The following GRIA2 variants were observed in gnomAD, a reference collection of about 807,000 sequenced individuals.
GRIA2 encodes the protein glutamate ionotropic receptor AMPA type subunit 2.
Under a neutral mutation model 97.3 loss-of-function variants are expected in GRIA2, and 14 were observed. The ratio of observed to expected loss-of-function variants is 0.14; its 90% confidence interval spans 0.10 to 0.23. The LOEUF (loss-of-function observed/expected upper bound fraction) is 0.23, where lower values mean the gene tolerates loss of function less well. Ranked by LOEUF, GRIA2 falls within the 10% of genes least tolerant of loss-of-function variation. The probability of loss-of-function intolerance (pLI) is 1.00; values close to 1 mark genes in which losing one functional copy is unlikely to be tolerated. For synonymous variants in GRIA2, 412 were observed against 387.8 expected (o/e 1.06, Z -0.73); for missense variants, 558 against 1,069.8 (o/e 0.52, Z 6.67).
intron 2 of GRIA2, among the ~76,000 whole-genome samples, chr4:157,294,627 G>A (rs997743196): frequency 2.6e-5 from 4 of 152,102 alleles, no homozygotes; most frequent in African/African-American, 4.8e-5. Context: ...CCATGAGAAA[G>A]TATGTGATGA....
chr4:157,340,465 A>G (rs1735497494), intron 11 of GRIA2, among the ~76,000 whole-genome samples: 2 of 151,940 alleles, frequency 1.3e-5, no homozygotes, highest in South Asian at 4.1e-4. Context: ...TTTAAAAACT[A>G]TTTTATGTAA....
intron 5 of GRIA2, 105 bp from the exon 6 acceptor site, chr4:157,321,333 T>C: frequency 1.3e-6 from 1 of 772,778 alleles, no homozygotes; most frequent in South Asian, 1.8e-5. Context: ...ATCTCATATG[T>C]TCTTTGAAAT....
intron 2 of GRIA2, among the ~76,000 whole-genome samples, chr4:157,284,767 T>G (rs540371578): frequency 6.6e-6 from 1 of 151,900 alleles, no homozygotes; most frequent in East Asian, 1.9e-4. Context: ...TTTAAAATTC[T>G]TCAGCACTTA....
At chr4:157,351,852 C>T (rs1325921471) in intron 12 of GRIA2, among the ~76,000 whole-genome samples, 9 of 152,184 alleles carry the variant, frequency 5.9e-5, no homozygotes. Context: ...TGACTTTCAC[C>T]ACAATTTTAA....
chr4:157,273,357 G>C (rs1461650628), intron 2 of GRIA2, among the ~76,000 whole-genome samples: 1 of 151,928 alleles, frequency 6.6e-6, no homozygotes, highest in African/African-American at 2.4e-5. Context: ...GATACTAAAG[G>C]CAGAAAACAG....
At chr4:157,297,049 A>G (rs1209287533) in intron 2 of GRIA2, among the ~76,000 whole-genome samples, 1 of 152,180 alleles carries the variant, frequency 6.6e-6, no homozygotes, top group Non-Finnish European at 1.5e-5. Context: ...CAAGAAATTG[A>G]TGGATTTTAA....
At chr4:157,349,410 A>ATTGTTAAAATCTTT (rs1334753438) in intron 12 of GRIA2, among the ~76,000 whole-genome samples, 1 of 151,198 alleles carries the variant, frequency 6.6e-6, no homozygotes, top group Non-Finnish European at 1.5e-5. Flanking sequence ...TTTTCTTAAG[A>ATTGTTAAAATCTTT]TTGTTAAAAT....
chr4:157,241,162 T>G (rs1730492853), intron 2 of GRIA2, among the ~76,000 whole-genome samples: 1 of 152,140 alleles, frequency 6.6e-6, no homozygotes, highest in Admixed American at 6.6e-5. Flanking sequence ...GCAATGGTTT[T>G]AATTCTCCTC....
chr4:157,351,455 A>G (rs1004218435), intron 12 of GRIA2, among the ~76,000 whole-genome samples: 1 of 152,206 alleles, frequency 6.6e-6, no homozygotes, highest in Non-Finnish European at 1.5e-5. Flanking sequence ...CATTCCATTA[A>G]TGATATAATT....
chr4:157,229,004 T>A (rs1729882253), intron 2 of GRIA2, among the ~76,000 whole-genome samples: 1 of 151,990 alleles, frequency 6.6e-6, no homozygotes, highest in African/African-American at 2.4e-5. Context: ...TTTTAGTAAC[T>A]CCCTCCCTGC....
intron 11 of GRIA2, among the ~76,000 whole-genome samples, chr4:157,338,865 T>C (rs989599576): frequency 1.3e-5 from 2 of 152,028 alleles, no homozygotes; most frequent in Non-Finnish European, 2.9e-5. Flanking sequence ...AAGAATGCAA[T>C]GATGGTTACC....
At chr4:157,237,863 T>A (rs1015242679) in intron 2 of GRIA2, among the ~76,000 whole-genome samples, 1 of 152,120 alleles carries the variant, frequency 6.6e-6, no homozygotes, top group Non-Finnish European at 1.5e-5. Flanking sequence ...ATAGCAGTAA[T>A]ATCACTTAAA....
chr4:157,359,383 A>G (rs1445457196), intron 12 of GRIA2, among the ~76,000 whole-genome samples: 1 of 152,166 alleles, frequency 6.6e-6, no homozygotes, highest in Non-Finnish European at 1.5e-5. Context: ...TATTCTAGAA[A>G]TGTTTCAGTC....
intron 2 of GRIA2, among the ~76,000 whole-genome samples, chr4:157,274,577 C>G (rs1199540897): frequency 1.4e-5 from 2 of 140,376 alleles, no homozygotes; most frequent in African/African-American, 5.2e-5. Flanking sequence ...TCCATGTGTT[C>G]TCATTGTTCA....
rs371026364 is a variant in GRIA2, at chr4:157,254,788, A to G, written c.229+32981A>G. Among the ~76,000 whole-genome samples, 8 of 152,094 alleles carry G rather than the reference A, an allele frequency of 5.3e-5. No individual in the cohort carries two copies. The East Asian group carries it at 1.2e-3, about 22-fold the overall frequency. ...GATATTCACTTATATGGTCAAAGATATAAGTAGAGGATACTCACTGTTTTT... is the reference window on the plus strand; with the variant it reads ...GATATTCACTTATATGGTCAAAGATGTAAGTAGAGGATACTCACTGTTTTT... On this transcript the variant is annotated intron_variant, in intron 2 of 15. Transcript: ENST00000264426.
chr4:157,226,086 C>G (rs1481789740), intron 2 of GRIA2, among the ~76,000 whole-genome samples: 1 of 151,830 alleles, frequency 6.6e-6, no homozygotes, highest in African/African-American at 2.4e-5. Flanking sequence ...CTTTCTATTT[C>G]TTTTGAAGAC....
intron 2 of GRIA2, among the ~76,000 whole-genome samples, chr4:157,274,229 C>T (rs1028892527): frequency 1.3e-5 from 2 of 151,718 alleles, no homozygotes; most frequent in African/African-American, 4.8e-5. Context: ...TAAAGAAGTT[C>T]CTCATCAAGA....
In GRIA2 at chr4:157,362,913, G is replaced by A. The variant is rs958274895; in HGVS notation, c.2521G>A (p.Ala841Thr). 2.5e-6 allele frequency: 4 copies of A among 1,613,482 alleles called. No homozygotes were observed. In the African/African-American group the frequency reaches 4.0e-5, roughly 16 times the overall value. ...GATTGAGTTCTGTTACAAGTCAAGG[G>A]CCGAGGCGAAACGAATGAAGGTGGC... ...ALIEFCYKSR[A>T]EAKRMKVAKN... Residue 841 changes from alanine to threonine, a missense_variant, in exon 15 of 16, where the codon GCC becomes ACC. This residue lies in a region of GRIA2 where 54 missense variants were observed against 82.1 expected (regional missense o/e 0.66). Transcript: ENST00000264426.
chr4:157,355,908 T>TATTAATATATTTATATATAA (rs1560781051), intron 12 of GRIA2, among the ~76,000 whole-genome samples: 3 of 61,802 alleles, frequency 4.9e-5, no homozygotes, highest in African/African-American at 1.4e-4. Flanking sequence ...TATAAATATA[T>TATTAATATATTTATATATAA]ATATATTAAT....
Sources: gnomAD v4.1 joint callset for allele counts (sites outside exome capture counted in the v4.1 genomes callset) on GRCh38, gnomAD v4.1.1 for gene constraint, gnomAD v4.1.1 regional missense constraint, MANE v1.5 for transcripts, NCBI Gene and HGNC (gene_info 2026-07-23, HGNC 2026-07-21) for gene names.